The following CARD6 variants were observed in gnomAD, a reference collection of about 807,000 sequenced individuals.
The protein encoded by CARD6 is caspase recruitment domain family member 6.
In CARD6, 27 loss-of-function variants were observed where a neutral mutation model predicts 23.6. The ratio of observed to expected loss-of-function variants is 1.14; its 90% CI spans 0.84 to 1.58. The LOEUF (loss-of-function observed/expected upper bound fraction) is 1.58. Among genes scored for constraint, CARD6 ranks in the 40% most tolerant of loss-of-function variants. The pLI, the probability that CARD6 is intolerant of heterozygous loss-of-function variation, is 0.00. For synonymous variants in CARD6, 397 were observed against 431.8 expected, an observed-to-expected ratio of 0.92 and a Z score of 1.00; for missense variants, 1,214 against 1,209.9, an observed-to-expected ratio of 1.00 and a Z score of -0.05.
In CARD6 at chr5:40,854,070, A is replaced by G. The variant is rs1351061985; in HGVS notation, c.2738A>G (p.Gln913Arg). Residue 913 changes from glutamine to arginine, a missense_variant, in exon 3 of 3, where the codon CAG (glutamine) becomes CGG (arginine). Physicochemically the swap from Gln to Arg is conservative, Grantham distance 43 (BLOSUM62 1). Transcript: ENST00000254691. ...AATQKLRPAS[Q>R]QGVQMKTQGG... ...ACACAAAAACTAAGACCTGCTTCTC[A>G]GCAAGGAGTCCAGATGAAGACACAA... 4 of 1,614,240 alleles carry G rather than the reference A, an allele frequency of 2.5e-6. No homozygotes were observed. Among genetic ancestry groups the G allele is most frequent in the Admixed American group, 1.7e-5 (1 of 60,034 alleles).
chr5:40,849,654 C>G (rs1746023885), intron 2 of CARD6, among the ~76,000 whole-genome samples: 1 of 152,118 alleles, frequency 6.6e-6, no homozygotes, highest in Non-Finnish European at 1.5e-5. Flanking sequence ...GATCTTCTCT[C>G]TCTGTTATGT....
rs150487186 is a variant in CARD6 at position 40,853,011 on chromosome 5, T to C, written c.1679T>C (p.Leu560Ser). Residue 560 changes from leucine to serine, a missense_variant, in exon 3 of 3, where the codon TTA becomes TCA. Leu to Ser is a moderately radical substitution (Grantham distance 145). Transcript: ENST00000254691. ...GCTGTGTTTTTTTTCACTGACTGTT[T>C]AGGTGAGAAGGAATGGGACTTGCTA... ...SSAVFFFTDCLGEKEWDLLMF... is the reference protein window; with the variant it reads ...SSAVFFFTDCSGEKEWDLLMF... The C allele has an allele frequency of 1.7e-4, 280 of 1,614,024 alleles. No homozygotes were observed. Among genetic ancestry groups the C allele is most frequent in the Non-Finnish European group, 2.1e-4 (250 of 1,180,026 alleles).
In CARD6 at chr5:40,854,145, A is replaced by G. The variant is rs769189325; in HGVS notation, c.2813A>G (p.Lys938Arg). ...CAAATAGGGTCCCATCCCATGTGCAAGAGCTCTCAGTTCAAATCCGATCAG... is the reference window on the plus strand; with the variant it reads ...CAAATAGGGTCCCATCCCATGTGCAGGAGCTCTCAGTTCAAATCCGATCAG... ...ALQIGSHPMCKSSQFKSDQSN... is the reference protein window; with the variant it reads ...ALQIGSHPMCRSSQFKSDQSN... The change falls in exon 3 of 3, where the codon AAG becomes AGG. Residue 938 changes from lysine (K) to arginine (R), a missense_variant. Physicochemically the swap from Lys to Arg is conservative, Grantham distance 26 (BLOSUM62 2). Transcript: ENST00000254691. The G allele has an allele frequency of 6.2e-7, 1 of 1,614,050 alleles. No individual in the cohort carries two copies. Among genetic ancestry groups the G allele is most frequent in the African/African-American group, 1.3e-5 (1 of 74,908 alleles).
At position 40,853,072 on chromosome 5, in the gene CARD6, C is replaced by T. The variant is rs1391783931; in HGVS notation, c.1740C>T (p.Tyr580=). The change falls in exon 3 of 3, where the codon TAC becomes TAT. Residue 580 remains tyrosine, a synonymous_variant. Coordinates refer to ENST00000254691, the MANE Select transcript of CARD6 (RefSeq NM_032587.4). ...GAGAGGCTGCCATTGAAAGATGCTA[C>T]TTTGTTCTCAGTTCCCAAGCCAGGG... The part of the protein sequence containing the change: ...FLGEAAIERC[Y]FVLSSQARES... 1.2e-6 allele frequency: 2 copies of T among 1,614,130 alleles called. No individual in the cohort carries two copies. The highest frequency in any genetic ancestry group is 1.1e-5 in the South Asian group (1 of 91,086).
chr5:40,853,116 T>A lies in CARD6; in HGVS notation c.1784T>A (p.Ile595Asn), dbSNP rs1273492433. ...SQARESEEAQ[I>N]FQRILNLKPA... Reference sequence around the variant, plus strand: ...GCCAGGGAGAGTGAAGAGGCTCAAATTTTTCAGAGGATACTGAACTTGAAG... The same window carrying A: ...GCCAGGGAGAGTGAAGAGGCTCAAAATTTTCAGAGGATACTGAACTTGAAG... Residue 595 changes from isoleucine to asparagine, a missense_variant, in exon 3 of 3, where the codon ATT becomes AAT. Coordinates refer to ENST00000254691, the MANE Select transcript of CARD6 (RefSeq NM_032587.4). The A allele has an allele frequency of 6.2e-7, 1 of 1,614,182 alleles. No homozygotes were observed. Among genetic ancestry groups the A allele is most frequent in the Non-Finnish European group, 8.5e-7 (1 of 1,180,026 alleles).
rs1298163475 is a variant in CARD6 at position 40,843,160 on chromosome 5, A to C, written c.292A>C (p.Lys98Gln). 2 of 1,571,470 alleles carry C rather than the reference A, an allele frequency of 1.3e-6. No individual in the cohort carries two copies. The highest frequency in any genetic ancestry group is 2.4e-5 in the South Asian group (2 of 84,312). Reference protein sequence around the residue: ...AICGLRHEVLKHENTVPPQSM... With the variant: ...AICGLRHEVLQHENTVPPQSM... The stretch of plus-strand genomic sequence containing the variant: ...AATTCTTTTCTTTGCAGAAGTTTTA[A>C]AACATGAGAATACAGTACCTCCTCA... Residue 98 changes from lysine to glutamine, a missense_variant, in exon 2 of 3, where the codon AAA (lysine) becomes CAA (glutamine). Physicochemically the swap from Lys to Gln is moderately conservative, Grantham distance 53 (BLOSUM62 1). Coordinates refer to ENST00000254691, the MANE Select transcript of CARD6 (RefSeq NM_032587.4).
Position 40,854,351 on chromosome 5 carries a change from C to G in CARD6, c.3019C>G (p.Pro1007Ala), listed in dbSNP as rs1746150346. ...PWPPQSKPSQPRPPQPKSSST... is the reference protein window; with the variant it reads ...PWPPQSKPSQARPPQPKSSST... ...GCCTCCCCAGTCTAAGCCTTCTCAG[C>G]CCAGACCCCCTCAACCTAAGTCATC... The change falls in exon 3 of 3, where the codon CCC becomes GCC. Residue 1007 changes from proline to alanine, a missense_variant. Coordinates refer to ENST00000254691, the MANE Select transcript of CARD6 (RefSeq NM_032587.4). 1.2e-6 allele frequency: 2 copies of G among 1,614,162 alleles called. No homozygotes were observed. The highest frequency in any genetic ancestry group is 1.7e-6 in the Non-Finnish European group (2 of 1,180,022).
chr5:40,843,603 G>C lies in CARD6; in HGVS notation c.735G>C (p.Glu245Asp), dbSNP rs773776030. The C allele has an allele frequency of 6.2e-7, 1 of 1,606,410 alleles. No homozygotes were observed. The highest frequency in any genetic ancestry group is 1.7e-5 in the Admixed American group (1 of 57,596). ...DPEHVGYDGEEDFENSETTEF... is the reference protein window; with the variant it reads ...DPEHVGYDGEDDFENSETTEF... ...AGCACGTTGGATATGATGGTGAAGA[G>C]GACTTCGAGAATTCAGAAACCACAG... Residue 245 changes from glutamate to aspartate, a missense_variant, in exon 2 of 3, where the codon GAG (glutamate) becomes GAC (aspartate). Glu to Asp is a conservative substitution (Grantham distance 45). Coordinates refer to ENST00000254691, the MANE Select transcript of CARD6 (RefSeq NM_032587.4).
rs771384945 is a variant in CARD6, at chr5:40,851,329, T to TA, written c.842-833dup. Among the ~76,000 whole-genome samples, 366 of 143,106 alleles carry TA rather than the reference T, an allele frequency of 2.6e-3. 3 individuals carry two copies. In the East Asian group the frequency reaches 0.032, roughly 13 times the overall value. 93.9% of individuals were successfully genotyped at this position (143,106 alleles called of 152,430 possible). A position where few individuals can be genotyped will look rare whatever the true frequency, so the allele number is the denominator to read the frequency against. On this transcript the variant is annotated intron_variant, in intron 2 of 2. Transcript: ENST00000254691. The stretch of plus-strand genomic sequence containing the variant: ...CTGGGCAACAGAGCCAGACTCCATC[T>TA]AAAAAAAAAAAATAGAATCTACTAA...
chr5:40,841,733 A>G (rs758860330), intron 1 of CARD6, 68 bp downstream of exon 1: 46 of 1,300,742 alleles, frequency 3.5e-5, no homozygotes, highest in Non-Finnish European at 4.7e-5. Flanking sequence ...AGAAAACAAA[A>G]TGAAAGAAAA....
Position 40,853,765 on chromosome 5 carries a change from G to C in CARD6, c.2433G>C (p.Ser811=), listed in dbSNP as rs374394123. The C allele has an allele frequency of 2.2e-5, 35 of 1,614,064 alleles. No homozygotes were observed. The highest frequency in any genetic ancestry group is 1.6e-4 in the Middle Eastern group (1 of 6,084). The part of the protein sequence containing the change: ...KFSRVARGCH[S]NGTFGRLPRP... ...CCAGAGTTGCTCGGGGATGTCACTC[G>C]AATGGAACATTTGGGAGACTGCCAA... The change falls in exon 3 of 3, where the codon TCG becomes TCC. Residue 811 remains serine (S), a synonymous_variant. Transcript: ENST00000254691.
chr5:40,841,683 A>G lies in CARD6; in HGVS notation c.283+18A>G. ...AAGGCATGGTAAGTTGACTTTGTAT[A>G]CTTTTTGGGGTGAGAGGAAGGGGGC... On this transcript the variant is annotated intron_variant, in intron 1 of 2. Coordinates refer to ENST00000254691, the MANE Select transcript of CARD6 (RefSeq NM_032587.4). 1.3e-6 allele frequency: 2 copies of G among 1,597,450 alleles called. No homozygotes were observed. Among genetic ancestry groups the G allele is most frequent in the Non-Finnish European group, 1.7e-6 (2 of 1,170,612 alleles).
intron 2 of CARD6, among the ~76,000 whole-genome samples, chr5:40,850,816 T>C: frequency 6.6e-6 from 1 of 151,782 alleles, no homozygotes; most frequent in Admixed American, 6.6e-5. Context: ...TTTTCATTGC[T>C]GCATGTAAAT....
chr5:40,852,147 C>T (rs753558913), intron 2 of CARD6, 27 bp from the exon 3 acceptor site: 11 of 1,405,558 alleles, frequency 7.8e-6, no homozygotes. Flanking sequence ...CTGAACATGG[C>T]ATTCACTATT....
chr5:40,854,804 G>T lies in CARD6; in HGVS notation c.*358G>T. ...AGGGTTTCTCCATGTTGGTCAGGCT[G>T]GTCTTGAACTCCCGACCTCAGGTGA... On this transcript the variant is annotated 3_prime_UTR_variant, in exon 3 of 3. Transcript: ENST00000254691. 1 of 217,400 alleles carries T rather than the reference G, an allele frequency of 4.6e-6. No individual in the cohort carries two copies. Among genetic ancestry groups the T allele is most frequent in the Non-Finnish European group, 9.3e-6 (1 of 107,894 alleles). The allele number at this position is 217,400 out of a possible 1,614,324, so 13.5% of individuals were successfully genotyped here. A position where few individuals can be genotyped will look rare whatever the true frequency, so the allele number is the denominator to read the frequency against.
Position 40,843,656 on chromosome 5 carries a change from A to C in CARD6, c.788A>C (p.Glu263Ala), listed in dbSNP as rs755853211. The change falls in exon 2 of 3, where the codon GAG becomes GCG. Residue 263 changes from glutamate (E) to alanine (A), a missense_variant. Physicochemically the swap from Glu to Ala is moderately radical, Grantham distance 107. Transcript: ENST00000254691. Reference sequence around the variant, plus strand: ...TTCTCTGGTGAAGAACCAAGTTATGAGGGATCAGAAACCAGCCTTTCATTG... The same window carrying C: ...TTCTCTGGTGAAGAACCAAGTTATGCGGGATCAGAAACCAGCCTTTCATTG... ...TEFSGEEPSYEGSETSLSLEE... is the reference protein window; with the variant it reads ...TEFSGEEPSYAGSETSLSLEE... 1.3e-6 allele frequency: 2 copies of C among 1,570,118 alleles called. No individual in the cohort carries two copies. Among genetic ancestry groups the C allele is most frequent in the African/African-American group, 2.8e-5 (2 of 72,636 alleles).
chr5:40,852,262 C>A lies in CARD6; in HGVS notation c.930C>A (p.Ser310=), dbSNP rs1404357106. Residue 310 remains serine, a synonymous_variant, in exon 3 of 3, where the codon TCC becomes TCA. Transcript: ENST00000254691. ...KVLPDFVKQF[S]LDRGCKWTPE... Reference sequence around the variant, plus strand: ...TGCCAGATTTTGTTAAACAATTCTCCTTAGATCGAGGATGTAAGTGGACCC... The same window carrying A: ...TGCCAGATTTTGTTAAACAATTCTCATTAGATCGAGGATGTAAGTGGACCC... 2.0e-5 allele frequency: 33 copies of A among 1,614,102 alleles called. No homozygotes were observed. The highest frequency in any genetic ancestry group is 2.7e-5 in the Non-Finnish European group (32 of 1,180,006).
chr5:40,843,846 C>T (rs1173486934), intron 2 of CARD6, 137 bp downstream of exon 2: 1 of 567,052 alleles, frequency 1.8e-6, no homozygotes, highest in Admixed American at 3.8e-5. Context: ...CCTCGTGCCT[C>T]TCTGACCTGG....
intron 1 of CARD6, among the ~76,000 whole-genome samples, chr5:40,842,809 A>G (rs1745885381): frequency 6.6e-6 from 1 of 152,180 alleles, no homozygotes; most frequent in African/African-American, 2.4e-5. Context: ...AGGCCGGGGC[A>G]GATGGATCAC....
Sources: gnomAD v4.1 joint callset for allele counts (sites outside exome capture counted in the v4.1 genomes callset) on GRCh38, gnomAD v4.1.1 for gene constraint, MANE v1.5 for transcripts, NCBI Gene and HGNC (gene_info 2026-07-23, HGNC 2026-07-21) for gene names.